The following SNAP91 variants were observed in gnomAD, a reference collection of about 807,000 sequenced individuals.
The protein encoded by SNAP91 is synaptosome associated protein 91.
Under a neutral mutation model 100.3 loss-of-function variants are expected in SNAP91, and 27 were observed. The observed-to-expected ratio is 0.27, with a 90% confidence interval of 0.20 to 0.37. SNAP91 has a LOEUF of 0.37. Ranked by LOEUF, SNAP91 falls within the 10% of genes least tolerant of loss-of-function variation. The pLI, the probability that SNAP91 is intolerant of heterozygous loss-of-function variation, is 1.00. For missense variants in SNAP91, 986 were observed against 1,123.7 expected (o/e 0.88, Z 1.75); for synonymous variants, 404 against 398.6 (o/e 1.01, Z -0.16).
rs189926787 is a variant in SNAP91, at chr6:83,600,558, G to T, written c.1324+713C>A. Among the ~76,000 whole-genome samples, 142 of 152,230 alleles carry T rather than the reference G, an allele frequency of 9.3e-4. 1 individual carries two copies. The highest frequency in any genetic ancestry group is 3.4e-3 in the Middle Eastern group (1 of 294). On this transcript the variant is annotated intron_variant, in intron 16 of 29. Coordinates refer to ENST00000369694, the MANE Select transcript of SNAP91 (RefSeq NM_001242792.2). ...TGGGGATACATATATGAATAAACTG[G>T]CTTCACATGGCTCATCAGGTCCAGG...
intron 9 of SNAP91, among the ~76,000 whole-genome samples, chr6:83,618,419 CA>C (rs1471835637): frequency 6.6e-6 from 1 of 150,592 alleles, no homozygotes; most frequent in African/African-American, 2.4e-5. Flanking sequence ...TAGAAAATTA[CA>C]AAAATTAGGA....
At chr6:83,603,033 A>G (rs1268787064) in intron 14 of SNAP91, among the ~76,000 whole-genome samples, 2 of 152,190 alleles carry the variant, frequency 1.3e-5, no homozygotes, top group Admixed American at 1.3e-4. Context: ...TGGTTTTCAC[A>G]TATTTATCAT....
At chr6:83,616,243 A>C (rs1331797794) in intron 10 of SNAP91, among the ~76,000 whole-genome samples, 3 of 152,172 alleles carry the variant, frequency 2.0e-5, no homozygotes, top group African/African-American at 4.8e-5. Context: ...GGGCATCCTA[A>C]GACTTGCAGA....
chr6:83,578,774 C>T (rs191807561), intron 24 of SNAP91, among the ~76,000 whole-genome samples: 13 of 152,118 alleles, frequency 8.5e-5, no homozygotes, highest in African/African-American at 3.1e-4. Context: ...GTTTCTTGTA[C>T]TTCTGGTGTC....
At chr6:83,629,073 C>G (rs774024487) in intron 8 of SNAP91, among the ~76,000 whole-genome samples, 7 of 152,022 alleles carry the variant, frequency 4.6e-5, no homozygotes, top group Non-Finnish European at 1.0e-4. Flanking sequence ...GTTTTATTCT[C>G]CTACATGTAG....
intron 11 of SNAP91, among the ~76,000 whole-genome samples, chr6:83,612,386 G>T (rs1002942829): frequency 6.6e-6 from 1 of 151,966 alleles, no homozygotes; most frequent in Admixed American, 6.6e-5. Context: ...TTCCCTTTAC[G>T]TATGGAAAAG....
chr6:83,690,201 AT>A lies in SNAP91; in HGVS notation c.130+17596del, dbSNP rs978465793. On this transcript the variant is annotated intron_variant, in intron 2 of 29. Coordinates refer to ENST00000369694, the MANE Select transcript of SNAP91 (RefSeq NM_001242792.2). ...GCAATAACTTAATTTGAATATTTGAATTTTTTTCAGGGAATACTTACTAATA... is the reference window on the plus strand; with the variant it reads ...GCAATAACTTAATTTGAATATTTGAATTTTTTCAGGGAATACTTACTAATA... 5 of 873,672 alleles carry A rather than the reference AT, an allele frequency of 5.7e-6. No homozygotes were observed. In the African/African-American group the frequency reaches 7.3e-5, roughly 13 times the overall value. The allele number at this position is 873,672 out of a possible 1,614,324, so 54.1% of individuals were successfully genotyped here.
chr6:83,658,481 C>T (rs534700413), intron 6 of SNAP91, among the ~76,000 whole-genome samples: 8 of 152,062 alleles, frequency 5.3e-5, no homozygotes, highest in South Asian at 4.2e-4. Flanking sequence ...TGGTGGCGGG[C>T]GCCTGCAGTC....
intron 2 of SNAP91, among the ~76,000 whole-genome samples, chr6:83,697,685 T>TA (rs1294156556): frequency 6.6e-6 from 1 of 152,222 alleles, no homozygotes; most frequent in African/African-American, 2.4e-5. Context: ...CCTCCAATAT[T>TA]ACACTTCTAT....
chr6:83,627,036 C>A (rs2096962009), intron 8 of SNAP91, among the ~76,000 whole-genome samples: 1 of 152,084 alleles, frequency 6.6e-6, no homozygotes, highest in East Asian at 1.9e-4. Flanking sequence ...TCCTTCAATG[C>A]CTAATTTGTT....
At chr6:83,634,616 G>A (rs1460751406) in intron 8 of SNAP91, among the ~76,000 whole-genome samples, 1 of 152,088 alleles carries the variant, frequency 6.6e-6, no homozygotes, top group East Asian at 1.9e-4. Context: ...CAGTCACCAC[G>A]ATCCCCACTT....
intron 7 of SNAP91, among the ~76,000 whole-genome samples, chr6:83,653,271 GT>G (rs2098276883): frequency 6.6e-6 from 1 of 151,770 alleles, no homozygotes; most frequent in African/African-American, 2.4e-5. Context: ...TGTTTGTTTT[GT>G]TTTTAGTTGT....
intron 2 of SNAP91, among the ~76,000 whole-genome samples, chr6:83,682,175 T>TC (rs1309384307): frequency 6.9e-6 from 1 of 145,102 alleles, no homozygotes; most frequent in African/African-American, 2.6e-5. Flanking sequence ...TTTAATTCTT[T>TC]TTTTTTTTTT....
intron 26 of SNAP91, among the ~76,000 whole-genome samples, chr6:83,564,486 C>A (rs930250184): frequency 6.6e-6 from 1 of 151,944 alleles, no homozygotes; most frequent in Non-Finnish European, 1.5e-5. Flanking sequence ...TTTCAGCCTC[C>A]TCAGTAGGTG....
intron 26 of SNAP91, among the ~76,000 whole-genome samples, chr6:83,563,405 AAGCCCAC>A (rs1791464544): frequency 6.6e-6 from 1 of 152,150 alleles, no homozygotes; most frequent in Non-Finnish European, 1.5e-5. Flanking sequence ...GTATCTACAA[AAGCCCAC>A]AGCTAACATC....
At chr6:83,647,919 T>C (rs190181661) in intron 7 of SNAP91, among the ~76,000 whole-genome samples, 1 of 152,290 alleles carries the variant, frequency 6.6e-6, no homozygotes, top group East Asian at 1.9e-4. Context: ...TGCTGCATCA[T>C]AACATGTCAG....
chr6:83,575,375 A>C, intron 25 of SNAP91: 1 of 452,858 alleles, frequency 2.2e-6, no homozygotes, highest in Non-Finnish European at 3.9e-6. Context: ...ATCCTCTATA[A>C]AGAAAAGTAT....
At chr6:83,656,505 T>G (rs1279808969) in intron 7 of SNAP91, among the ~76,000 whole-genome samples, 2 of 152,156 alleles carry the variant, frequency 1.3e-5, no homozygotes, top group Non-Finnish European at 2.9e-5. Context: ...GGTTGAGGAT[T>G]AATTCCTTTT....
At chr6:83,624,644 T>C (rs2096861536) in intron 8 of SNAP91, among the ~76,000 whole-genome samples, 2 of 152,022 alleles carry the variant, frequency 1.3e-5, no homozygotes, top group Non-Finnish European at 2.9e-5. Context: ...TTGTGCACTG[T>C]AGGATGTTTA....
Sources: allele counts gnomAD v4.1 joint callset (sites outside exome capture counted in the v4.1 genomes callset), GRCh38; gene constraint gnomAD v4.1.1; transcripts MANE v1.5; gene names NCBI Gene and HGNC (gene_info 2026-07-23, HGNC 2026-07-21).